Variants in HMCN2 observed in about 807,000 individuals in gnomAD.
The protein encoded by HMCN2 is hemicentin 2, also known as hemicentin-2.
Under a neutral mutation model 377.5 loss-of-function variants are expected in HMCN2, and 325 were observed. The ratio of observed to expected loss-of-function variants is 0.86; its 90% CI spans 0.79 to 0.94. The LOEUF is 0.94. Ranked by LOEUF, HMCN2 falls within the 40% of genes least tolerant of loss-of-function variation. The pLI, the probability that HMCN2 is intolerant of heterozygous loss-of-function variation, is 0.00. For missense variants in HMCN2, 4,543 were observed against 4,725.3 expected, an observed-to-expected ratio of 0.96 and a Z score of 1.13; for synonymous variants, 2,007 against 2,046.8, an observed-to-expected ratio of 0.98 and a Z score of 0.53.
intron 1 of HMCN2, among the ~76,000 whole-genome samples, chr9:130,272,539 C>T (rs1554921508): frequency 1.3e-5 from 2 of 151,940 alleles, no homozygotes; most frequent in African/African-American, 2.4e-5. Context: ...CCATGCCTGG[C>T]CTCTTCTTCT....
chr9:130,374,536 T>C lies in HMCN2; in HGVS notation c.7473T>C (p.Asp2491=). ...HPQPKLTWFK[D]GRPLARGDAH... ...AGCCCAAGCTCACATGGTTCAAAGA[T>C]GGCCGGCCTCTGGCTAGGGGAGATG... The change falls in exon 49 of 98, where the codon GAT becomes GAC. Residue 2491 remains aspartate (D), a synonymous_variant. Transcript: ENST00000683500. 1.0e-6 allele frequency: 1 copy of C among 985,856 alleles called. No individual in the cohort carries two copies. The highest frequency in any genetic ancestry group is 1.2e-6 in the Non-Finnish European group (1 of 829,982). 61.1% of individuals were successfully genotyped at this position (985,856 alleles called of 1,614,324 possible).
chr9:130,432,914 CCGG>C (rs1364511417), intron 97 of HMCN2: 1 of 365,290 alleles, frequency 2.7e-6, no homozygotes, highest in East Asian at 5.4e-5. Context: ...AAGGTTTCTC[CCGG>C]CGGGTGACCT....
chr9:130,290,031 G>T (rs1554929446), intron 4 of HMCN2, among the ~76,000 whole-genome samples: 1 of 152,228 alleles, frequency 6.6e-6, no homozygotes, highest in East Asian at 1.9e-4. Flanking sequence ...CTGGCTGGGG[G>T]AGCACTGCCA....
Position 130,425,807 on chromosome 9 carries a change from G to T in HMCN2, c.13762G>T (p.Ala4588Ser). Residue 4588 changes from alanine to serine, a missense_variant, in exon 90 of 98, where the codon GCG (alanine) becomes TCG (serine). Physicochemically the swap from Ala to Ser is moderately conservative, Grantham distance 99 (BLOSUM62 1). This residue lies in a region of HMCN2 where 1,155 missense variants were observed against 1,157.7 expected (regional missense o/e 1.00). Transcript: ENST00000683500. ...CTGCAACCACAGCATCCAGTACAAC[G>T]CGGCCCGGGGCCCCCAGCCCCAGCT... ...LRCNHSIQYNAARGPQPQLVQ... is the reference protein window; with the variant it reads ...LRCNHSIQYNSARGPQPQLVQ... The T allele has an allele frequency of 6.4e-7, 1 of 1,550,528 alleles. No homozygotes were observed. The highest frequency in any genetic ancestry group is 1.7e-4 in the Middle Eastern group (1 of 5,992).
intron 86 of HMCN2, chr9:130,419,348 G>C (rs1843862558): frequency 3.8e-6 from 1 of 260,640 alleles, no homozygotes; most frequent in Admixed American, 5.3e-5. Context: ...GGAAGACAAG[G>C]GCATCCCCGG....
chr9:130,296,576 C>A, intron 6 of HMCN2, 98 bp from the exon 7 acceptor site: 1 of 413,584 alleles, frequency 2.4e-6, no homozygotes, highest in Non-Finnish European at 5.0e-6. Context: ...AGGATTCCAG[C>A]TGCTGATGCA....
rs1302190665 is a variant in HMCN2, at chr9:130,384,802, T to A, written c.9106+4T>A. The A allele has an allele frequency of 7.7e-7, 1 of 1,298,888 alleles. No homozygotes were observed. Among genetic ancestry groups the A allele is most frequent in the South Asian group, 1.2e-5 (1 of 80,946 alleles). 80.5% of individuals were successfully genotyped at this position (1,298,888 alleles called of 1,614,324 possible). ...CTGGTGCAGCTCAGTGTTCTGGGTA[T>A]GTCCATGTCTGTCCCCAACTTGTAC... On this transcript the variant is annotated splice_donor_region_variant and intron_variant, in intron 59 of 97. Coordinates refer to ENST00000683500, the MANE Select transcript of HMCN2 (RefSeq NM_001291815.2).
chr9:130,319,295 C>T (rs893166648), intron 15 of HMCN2, among the ~76,000 whole-genome samples, 200 bp from the exon 16 acceptor site: 6 of 152,172 alleles, frequency 3.9e-5, no homozygotes, highest in Admixed American at 6.5e-5. Context: ...TCCCACGAGT[C>T]ACTCCCTCTG....
chr9:130,412,011 G>A (rs1843447124), intron 85 of HMCN2, among the ~76,000 whole-genome samples: 1 of 152,098 alleles, frequency 6.6e-6, no homozygotes, highest in African/African-American at 2.4e-5. Context: ...TGGCTCTGTT[G>A]CTCAGGCTGG....
chr9:130,276,476 A>C (rs1342693645), intron 1 of HMCN2, among the ~76,000 whole-genome samples: 11 of 152,196 alleles, frequency 7.2e-5, no homozygotes, highest in Non-Finnish European at 2.9e-5. Flanking sequence ...GTTGGCAGAA[A>C]TATCTCCTTG....
chr9:130,342,251 A>T (rs1300646796), intron 24 of HMCN2, 99 bp from the exon 25 acceptor site: 1 of 151,910 alleles, frequency 6.6e-6, no homozygotes, highest in Non-Finnish European at 1.5e-5. Context: ...CTAGAAGGGG[A>T]CACCCTCCCC....
At chr9:130,349,207 G>C in intron 28 of HMCN2, 76 bp downstream of exon 28, 2 of 1,252,382 alleles carry the variant, frequency 1.6e-6, no homozygotes, top group Non-Finnish European at 2.1e-6. Context: ...CACACCGGGG[G>C]AGAGGGTAGA....
Position 130,410,623 on chromosome 9 carries a change from C to T in HMCN2, c.12932C>T (p.Ala4311Val), listed in dbSNP as rs1301026772. 1.4e-5 allele frequency: 21 copies of T among 1,550,438 alleles called. No homozygotes were observed. The highest frequency in any genetic ancestry group is 1.3e-4 in the South Asian group (11 of 84,054). ...CTGGCAGAGAATGAGATGGGCGTGGCGAAGAAAGTGGTGATCCTCGTCCTG... is the reference window on the plus strand; with the variant it reads ...CTGGCAGAGAATGAGATGGGCGTGGTGAAGAAAGTGGTGATCCTCGTCCTG... ...QCLAENEMGV[A>V]KKVVILVLQS... is the part of the protein sequence containing the mutation. Residue 4311 changes from alanine (A) to valine (V), a missense_variant, in exon 85 of 98, where the codon GCG becomes GTG. Transcript: ENST00000683500.
chr9:130,358,188 G>A (rs935761165), intron 35 of HMCN2, among the ~76,000 whole-genome samples, 200 bp downstream of exon 35: 1 of 152,158 alleles, frequency 6.6e-6, no homozygotes, highest in African/African-American at 2.4e-5. Context: ...AATGTCAGTG[G>A]GGGGGACAGG....
Position 130,408,802 on chromosome 9 carries a change from A to G in HMCN2, c.12748A>G (p.Ile4250Val). 7.8e-7 allele frequency: 1 copy of G among 1,289,750 alleles called. No homozygotes were observed. The highest frequency in any genetic ancestry group is 1.0e-6 in the Non-Finnish European group (1 of 988,808). 79.9% of individuals were successfully genotyped at this position (1,289,750 alleles called of 1,614,324 possible). A position where few individuals can be genotyped will look rare whatever the true frequency, so the allele number is the denominator to read the frequency against. Reference protein sequence around the residue: ...SYLVEPVGGSIQLDCVVRGDP... With the variant: ...SYLVEPVGGSVQLDCVVRGDP... The stretch of plus-strand genomic sequence containing the variant: ...CCTGGTGGAACCTGTAGGAGGCAGC[A>G]TTCAGCTAGACTGTGTGGTGCGTGG... The change falls in exon 84 of 98, where the codon ATT (isoleucine) becomes GTT (valine). Residue 4250 changes from isoleucine (I) to valine (V), a missense_variant. Coordinates refer to ENST00000683500, the MANE Select transcript of HMCN2 (RefSeq NM_001291815.2).
In HMCN2 at chr9:130,303,219, G is replaced by A. The variant is rs1450115197; in HGVS notation, c.1421+218G>A. Among the ~76,000 whole-genome samples, 5 of 152,186 alleles carry A rather than the reference G, an allele frequency of 3.3e-5. No individual in the cohort carries two copies. Among genetic ancestry groups the A allele is most frequent in the East Asian group, 3.9e-4 (2 of 5,194 alleles). ...TGGGCCATCAGCTGGTGAAGGAGCCGGGGGCCTTCCTCAGCTCCTGGAAAA... is the reference window on the plus strand; with the variant it reads ...TGGGCCATCAGCTGGTGAAGGAGCCAGGGGCCTTCCTCAGCTCCTGGAAAA... On this transcript the variant is annotated intron_variant, in intron 9 of 97. Transcript: ENST00000683500. The surrounding 1 kb of genome is among the most constrained non-coding windows in gnomAD (Gnocchi z 5.2).
chr9:130,291,584 A>G (rs1835769531), intron 4 of HMCN2, among the ~76,000 whole-genome samples: 1 of 152,244 alleles, frequency 6.6e-6, no homozygotes, highest in African/African-American at 2.4e-5. Flanking sequence ...GCAGAAAAGT[A>G]AAAAGAACAC....
At chr9:130,267,743 C>T (rs1227543458) in intron 1 of HMCN2, among the ~76,000 whole-genome samples, 1 of 152,230 alleles carries the variant, frequency 6.6e-6, no homozygotes, top group East Asian at 1.9e-4. Context: ...GCTCAAAGCT[C>T]AGAAGCCAAG....
At chr9:130,344,433 G>A (rs1483506767) in intron 25 of HMCN2, among the ~76,000 whole-genome samples, 1 of 151,460 alleles carries the variant, frequency 6.6e-6, no homozygotes, top group Non-Finnish European at 1.5e-5. Context: ...TTCTGTGTGT[G>A]TGTGGTCTAT....
Sources: gnomAD v4.1 joint callset for allele counts (sites outside exome capture counted in the v4.1 genomes callset) on GRCh38, gnomAD v4.1.1 for gene constraint, gnomAD v4.1.1 regional missense constraint, Gnocchi (gnomAD v3.1) non-coding constraint, MANE v1.5 for transcripts, NCBI Gene and HGNC (gene_info 2026-07-23, HGNC 2026-07-21) for gene names.